The following PIWIL4 variants were observed in gnomAD, a reference collection of about 807,000 sequenced individuals.
PIWIL4 encodes piwi-like protein 4.
Under a neutral mutation model 100.9 loss-of-function variants are expected in PIWIL4, and 50 were observed. That is an observed-to-expected ratio of 0.50 (90% CI 0.39 to 0.63). The LOEUF (loss-of-function observed/expected upper bound fraction) is 0.63, where lower values mean the gene tolerates loss of function less well. Among genes scored for constraint, PIWIL4 ranks in the 20% least tolerant of loss-of-function variants. The pLI is 0.00. For missense variants in PIWIL4, 887 were observed against 1,043.3 expected (o/e 0.85, Z 2.06); for synonymous variants, 342 against 367.5 (o/e 0.93, Z 0.79).
At position 94,585,470 on chromosome 11, in the gene PIWIL4, C is replaced by T; in HGVS notation, c.661C>T (p.Gln221Ter). The T allele has an allele frequency of 6.2e-7, 1 of 1,609,718 alleles. No individual in the cohort carries two copies. The highest frequency in any genetic ancestry group is 1.1e-5 in the South Asian group (1 of 89,706). Residue 221 changes from glutamine to a stop codon, truncating the protein, a stop_gained, in exon 6 of 20, where the codon CAA (glutamine) becomes TAA (stop). Transcript: ENST00000299001. LOFTEE classifies it high-confidence loss of function. ...RKILKKLSMY[Q>*]IGRNFYNPSE... ...GATCCTCAAAAAGTTGTCCATGTACCAAATTGGACGGAACTTCTATAATCC... is the reference window on the plus strand; with the variant it reads ...GATCCTCAAAAAGTTGTCCATGTACTAAATTGGACGGAACTTCTATAATCC...
chr11:94,593,539 G>T lies in PIWIL4; in HGVS notation c.1048G>T (p.Asp350Tyr). 1.2e-6 allele frequency: 2 copies of T among 1,613,522 alleles called. No homozygotes were observed. Among genetic ancestry groups the T allele is most frequent in the South Asian group, 2.2e-5 (2 of 91,038 alleles). ...YKQQYDITVS[D>Y]LNQPMLVSLL... ...ATAGCAGTATGATATTACTGTATCG[G>T]ACCTGAATCAGCCCATGCTTGTTAG... The change falls in exon 9 of 20, where the codon GAC becomes TAC. Residue 350 changes from aspartate (D) to tyrosine (Y), a missense_variant. This residue lies in a region of PIWIL4 where 741 missense variants were observed against 930.0 expected (regional missense o/e 0.80). Coordinates refer to ENST00000299001, the MANE Select transcript of PIWIL4 (RefSeq NM_152431.3).
intron 5 of PIWIL4, among the ~76,000 whole-genome samples, chr11:94,584,258 A>G (rs1948366870): frequency 6.6e-6 from 1 of 152,192 alleles, no homozygotes; most frequent in Non-Finnish European, 1.5e-5. Context: ...TGGATCATTA[A>G]GATGATCTGT....
chr11:94,603,745 T>G (rs142325692), intron 12 of PIWIL4, among the ~76,000 whole-genome samples: 1 of 152,330 alleles, frequency 6.6e-6, no homozygotes, highest in Non-Finnish European at 1.5e-5. Context: ...TCTGGACAAT[T>G]GAGAAGATCT....
At chr11:94,574,945 A>G in intron 2 of PIWIL4, 54 bp from the exon 3 acceptor site, 2 of 1,556,796 alleles carry the variant, frequency 1.3e-6, no homozygotes, top group Non-Finnish European at 1.8e-6. Context: ...GTAGTTGCAA[A>G]CAGTATCACT....
Position 94,616,473 on chromosome 11 carries a change from A to ATT in PIWIL4, c.1944-10_1944-9dup. The ATT allele has an allele frequency of 1.6e-5, 20 of 1,232,394 alleles. No homozygotes were observed. Among genetic ancestry groups the ATT allele is most frequent in the Admixed American group, 9.0e-5 (4 of 44,250 alleles). The allele number at this position is 1,232,394 out of a possible 1,614,324, so 76.3% of individuals were successfully genotyped here. On this transcript the variant is annotated intron_variant, in intron 15 of 19. Transcript: ENST00000299001. ...AAAATTGAAGTTGAATTTTACTTTT[A>ATT]TTTTTTTTTTTAACTTTAGGTGGTT...
chr11:94,601,426 A>G (rs763186708), intron 11 of PIWIL4, among the ~76,000 whole-genome samples: 40 of 152,208 alleles, frequency 2.6e-4, no homozygotes, highest in Non-Finnish European at 5.3e-4. Flanking sequence ...CTTAAAGTAA[A>G]AGATAAAATG....
chr11:94,569,907 T>G (rs934610426), intron 2 of PIWIL4, among the ~76,000 whole-genome samples: 6 of 152,122 alleles, frequency 3.9e-5, no homozygotes, highest in African/African-American at 1.4e-4. Flanking sequence ...CTTCACACTA[T>G]GCAATATATC....
intron 2 of PIWIL4, among the ~76,000 whole-genome samples, chr11:94,572,888 C>A (rs1321117705): frequency 6.6e-6 from 1 of 152,148 alleles, no homozygotes; most frequent in Non-Finnish European, 1.5e-5. Flanking sequence ...GCAGTATGGC[C>A]GTTTTCACGA....
At position 94,595,364 on chromosome 11, in the gene PIWIL4, G is replaced by A; in HGVS notation, c.1206G>A (p.Lys402=). ...AGCTGATGAAGGCTGTGGCTGAAAA[G>A]ACACGTCTCAGTCCTTCAGGCCGGC... The part of the protein sequence containing the change: ...DFQLMKAVAE[K]TRLSPSGRQQ... Residue 402 remains lysine (K), a synonymous_variant, in exon 10 of 20, where the codon AAG becomes AAA. Transcript: ENST00000299001. The A allele has an allele frequency of 6.2e-7, 1 of 1,614,046 alleles. No individual in the cohort carries two copies.
intron 4 of PIWIL4, among the ~76,000 whole-genome samples, chr11:94,578,219 T>C (rs1234034173): frequency 6.6e-6 from 1 of 152,196 alleles, no homozygotes; most frequent in East Asian, 1.9e-4. Flanking sequence ...TCATCTCCTC[T>C]TACAATTTTT....
intron 4 of PIWIL4, among the ~76,000 whole-genome samples, chr11:94,580,206 A>G (rs1227699960): frequency 1.3e-5 from 2 of 152,198 alleles, no homozygotes; most frequent in Non-Finnish European, 2.9e-5. Context: ...TAAACAGAAT[A>G]GTGTTGTCTT....
At chr11:94,568,867 C>T in intron 2 of PIWIL4, 59 bp downstream of exon 2, 8 of 1,453,978 alleles carry the variant, frequency 5.5e-6, no homozygotes, top group Non-Finnish European at 6.7e-6. Context: ...GCAAGAGGAG[C>T]CCTGCCAGGC....
At chr11:94,574,902 C>A (rs2135239701) in intron 2 of PIWIL4, 97 bp from the exon 3 acceptor site, 1 of 1,279,582 alleles carries the variant, frequency 7.8e-7, no homozygotes, top group Non-Finnish European at 1.1e-6. Flanking sequence ...TATTCAAAAC[C>A]ACAAGTTTGG....
chr11:94,582,290 T>G (rs1484485280), intron 4 of PIWIL4, among the ~76,000 whole-genome samples: 1 of 152,222 alleles, frequency 6.6e-6, no homozygotes, highest in African/African-American at 2.4e-5. Context: ...GCATCCCTTC[T>G]GTCTGCCAGA....
chr11:94,589,468 C>G (rs192218630), intron 8 of PIWIL4, among the ~76,000 whole-genome samples: 3 of 152,294 alleles, frequency 2.0e-5, no homozygotes, highest in Admixed American at 1.3e-4. Flanking sequence ...TCTGATCACA[C>G]TGCTCGCAAC....
intron 6 of PIWIL4, among the ~76,000 whole-genome samples, chr11:94,585,756 G>A (rs1948390670): frequency 6.6e-6 from 1 of 152,110 alleles, no homozygotes; most frequent in African/African-American, 2.4e-5. Flanking sequence ...ATCCTAGAAG[G>A]AATTCAGAAA....
In PIWIL4 at chr11:94,620,119, T is replaced by G; in HGVS notation, c.2417T>G (p.Leu806Trp). ...PDHMQRLTFK[L>W]CHLYYNWPGI... ...CATATGCAGAGACTTACATTCAAAT[T>G]GTGCCACCTGTACTACAACTGGCCG... The change falls in exon 19 of 20, where the codon TTG (leucine) becomes TGG (tryptophan). Residue 806 changes from leucine to tryptophan, a missense_variant. By Grantham distance (61) the Leu-to-Trp change is moderately conservative. Coordinates refer to ENST00000299001, the MANE Select transcript of PIWIL4 (RefSeq NM_152431.3). The G allele has an allele frequency of 6.2e-7, 1 of 1,608,124 alleles. No individual in the cohort carries two copies. The highest frequency in any genetic ancestry group is 1.1e-5 in the South Asian group (1 of 90,164).
At chr11:94,585,909 C>G (rs1200133730) in intron 6 of PIWIL4, among the ~76,000 whole-genome samples, 1 of 152,154 alleles carries the variant, frequency 6.6e-6, no homozygotes, top group Non-Finnish European at 1.5e-5. Flanking sequence ...CCAAATAACT[C>G]TGGTGAAGGA....
intron 13 of PIWIL4, among the ~76,000 whole-genome samples, chr11:94,604,472 C>T (rs996965422): frequency 6.6e-6 from 1 of 152,150 alleles, no homozygotes; most frequent in South Asian, 2.1e-4. Flanking sequence ...TTCTTGCCAC[C>T]TTCTGTGCAT....
Sources: allele counts gnomAD v4.1 joint callset (sites outside exome capture counted in the v4.1 genomes callset), GRCh38; gene constraint gnomAD v4.1.1; regional missense constraint gnomAD v4.1.1; transcripts MANE v1.5; gene names NCBI Gene and HGNC (gene_info 2026-07-23, HGNC 2026-07-21).